Variants in PEA15 observed in about 807,000 individuals in gnomAD.
The protein encoded by PEA15 is proliferation and apoptosis adaptor protein 15, also known as astrocytic phosphoprotein PEA-15.
For synonymous variants in PEA15, 60 were observed against 61.8 expected (o/e 0.97, Z 0.13); for missense variants, 77 against 161.3 (o/e 0.48, Z 2.83).
Position 160,213,809 on chromosome 1 carries a change from C to G in PEA15, c.*323C>G. On this transcript the variant is annotated 3_prime_UTR_variant, in exon 4 of 4. Transcript: ENST00000360472. The surrounding 1 kb of genome is among the most constrained non-coding windows in gnomAD (Gnocchi z 5.3). ...CTCCTACTTCCCTTTCCTCCACTCCCCCCATATCTTTAAAGTGTGGAAGCA... is the reference window on the plus strand; with the variant it reads ...CTCCTACTTCCCTTTCCTCCACTCCGCCCATATCTTTAAAGTGTGGAAGCA... 3.1e-6 allele frequency: 1 copy of G among 322,980 alleles called. No individual in the cohort carries two copies. Among genetic ancestry groups the G allele is most frequent in the Non-Finnish European group, 5.9e-6 (1 of 169,732 alleles). The allele number at this position is 322,980 out of a possible 1,614,324, so 20.0% of individuals were successfully genotyped here. A position where few individuals can be genotyped will look rare whatever the true frequency, so the allele number is the denominator to read the frequency against.
rs980729160 is a variant in PEA15 at position 160,208,756 on chromosome 1, A to C, written c.-2-2787A>C. 3 of 1,156,280 alleles carry C rather than the reference A, an allele frequency of 2.6e-6. No individual in the cohort carries two copies. Among genetic ancestry groups the C allele is most frequent in the Non-Finnish European group, 3.8e-6 (3 of 792,466 alleles). 71.6% of individuals were successfully genotyped at this position (1,156,280 alleles called of 1,614,324 possible). On this transcript the variant is annotated intron_variant, in intron 1 of 3. Coordinates refer to ENST00000360472, the MANE Select transcript of PEA15 (RefSeq NM_003768.5). This position sits in a 1 kb window ranked among gnomAD's most constrained non-coding sequence, Gnocchi z 4.1. Reference sequence around the variant, plus strand: ...GCCATACTAAGGCCTAGGCAAATGGATCTCTCCAAGAAGGGAGGCAACTGG... The same window carrying C: ...GCCATACTAAGGCCTAGGCAAATGGCTCTCTCCAAGAAGGGAGGCAACTGG...
Position 160,213,036 on chromosome 1 carries a change from G to C in PEA15, c.173-74G>C, listed in dbSNP as rs1429174069. 3 of 1,515,812 alleles carry C rather than the reference G, an allele frequency of 2.0e-6. No individual in the cohort carries two copies. The highest frequency in any genetic ancestry group is 9.1e-7 in the Non-Finnish European group (1 of 1,094,706). The allele number at this position is 1,515,812 out of a possible 1,614,324, so 93.9% of individuals were successfully genotyped here. ...GTCAGCAACTCAGCTTTGGTTCCAGGTCACTAGTCTGGTGGAGTAGGGGAA... is the reference window on the plus strand; with the variant it reads ...GTCAGCAACTCAGCTTTGGTTCCAGCTCACTAGTCTGGTGGAGTAGGGGAA... On this transcript the variant is annotated intron_variant, in intron 2 of 3. Coordinates refer to ENST00000360472, the MANE Select transcript of PEA15 (RefSeq NM_003768.5). This position sits in a 1 kb window ranked among gnomAD's most constrained non-coding sequence, Gnocchi z 5.3.
intron 1 of PEA15, chr1:160,206,511 TGGCTAGTTTCTGGGTAA>T (rs1389214732): frequency 6.6e-6 from 1 of 151,900 alleles, no homozygotes; most frequent in East Asian, 1.9e-4. Flanking sequence ...GTGCTGGGAG[TGGCTAGTTTCTGGGTAA>T]GAGTGGCCAA....
At chr1:160,206,574 GA>G (rs1654602329) in intron 1 of PEA15, among the ~76,000 whole-genome samples, 1 of 152,078 alleles carries the variant, frequency 6.6e-6, no homozygotes, top group African/African-American at 2.4e-5. Context: ...AAACGGAGAG[GA>G]AAAAGAATGG....
At chr1:160,210,525 A>G (rs1381191134) in intron 1 of PEA15, among the ~76,000 whole-genome samples, 3 of 152,186 alleles carry the variant, frequency 2.0e-5, no homozygotes, top group Non-Finnish European at 4.4e-5. Flanking sequence ...AAGGCCTTGA[A>G]TGTTCTCTAC....
In PEA15 at chr1:160,213,511, G is replaced by C. The variant is rs1654963150; in HGVS notation, c.*25G>C. 1 of 1,608,834 alleles carries C rather than the reference G, an allele frequency of 6.2e-7. No homozygotes were observed. Among genetic ancestry groups the C allele is most frequent in the African/African-American group, 1.3e-5 (1 of 74,936 alleles). On this transcript the variant is annotated 3_prime_UTR_variant, in exon 4 of 4. Coordinates refer to ENST00000360472, the MANE Select transcript of PEA15 (RefSeq NM_003768.5). The surrounding 1 kb of genome is among the most constrained non-coding windows in gnomAD (Gnocchi z 5.3). Reference sequence around the variant, plus strand: ...AGCAAGGGGGAGGAAGAGGAGGAAGGTTGGACCTTCATCAGACCACTCCCT... The same window carrying C: ...AGCAAGGGGGAGGAAGAGGAGGAAGCTTGGACCTTCATCAGACCACTCCCT...
chr1:160,206,437 T>C (rs1334716878), intron 1 of PEA15: 1 of 152,352 alleles, frequency 6.6e-6, no homozygotes, highest in Non-Finnish European at 1.5e-5. Context: ...AGACAGGATT[T>C]TGCGGACTAA....
In PEA15 at chr1:160,211,589, C is replaced by T. The variant is rs1422674012; in HGVS notation, c.45C>T (p.Ile15=). ...GTLLQDLTNN[I]TLEDLEQLKS... is the part of the protein sequence containing the mutation. ...TCCTGCAAGACCTGACCAACAACAT[C>T]ACCCTTGAAGATCTAGAACAGCTCA... is the stretch of plus-strand genomic sequence containing the variant. The change falls in exon 2 of 4, where the codon ATC becomes ATT. Residue 15 remains isoleucine (I), a synonymous_variant. Coordinates refer to ENST00000360472, the MANE Select transcript of PEA15 (RefSeq NM_003768.5). 6.2e-7 allele frequency: 1 copy of T among 1,613,912 alleles called. No individual in the cohort carries two copies. The highest frequency in any genetic ancestry group is 1.1e-5 in the South Asian group (1 of 91,040).
rs1230350355 is a variant in PEA15, at chr1:160,213,177, T to A, written c.240T>A (p.Val80=). The part of the protein sequence containing the change: ...SRRPDLLTMV[V]DYRTRVLKIS... ...GTCCTGACCTACTCACTATGGTGGTTGACTACAGAACCCGTGTGCTGAAGA... is the reference window on the plus strand; with the variant it reads ...GTCCTGACCTACTCACTATGGTGGTAGACTACAGAACCCGTGTGCTGAAGA... Residue 80 remains valine (V), a synonymous_variant, in exon 3 of 4, where the codon GTT becomes GTA. Transcript: ENST00000360472. This position sits in a 1 kb window ranked among gnomAD's most constrained non-coding sequence, Gnocchi z 5.3. 3.7e-6 allele frequency: 6 copies of A among 1,614,168 alleles called. No homozygotes were observed. Among genetic ancestry groups the A allele is most frequent in the Middle Eastern group, 1.6e-4 (1 of 6,062 alleles).
intron 1 of PEA15, among the ~76,000 whole-genome samples, chr1:160,209,152 GATACTCACAGCCAGTGCACCCACAGCCAT>G (rs1446457423): frequency 6.6e-6 from 1 of 151,996 alleles, no homozygotes; most frequent in Non-Finnish European, 1.5e-5. Flanking sequence ...ACACATGACA[GATACTCACAGCCAGTGCACCCACAGCCAT>G]ATATCCAGTG....
At chr1:160,212,388 AG>A (rs1055175842) in intron 2 of PEA15, among the ~76,000 whole-genome samples, 37 of 152,234 alleles carry the variant, frequency 2.4e-4, no homozygotes, top group African/African-American at 8.2e-4. Flanking sequence ...ATGGCTGGGA[AG>A]GTAAGGTAAG....
chr1:160,209,752 C>T (rs1434571126), intron 1 of PEA15, among the ~76,000 whole-genome samples: 1 of 152,146 alleles, frequency 6.6e-6, no homozygotes, highest in Non-Finnish European at 1.5e-5. Flanking sequence ...TTCTTATCTC[C>T]ATCTCTAGTC....
chr1:160,213,013 C>T lies in PEA15; in HGVS notation c.173-97C>T. On this transcript the variant is annotated intron_variant, in intron 2 of 3. Transcript: ENST00000360472. This position sits in a 1 kb window ranked among gnomAD's most constrained non-coding sequence, Gnocchi z 5.3. ...TGTTGTACCCTCCCATAACCAATGT[C>T]AGCAACTCAGCTTTGGTTCCAGGTC... 2.4e-6 allele frequency: 3 copies of T among 1,243,884 alleles called. No homozygotes were observed. The highest frequency in any genetic ancestry group is 3.5e-6 in the Non-Finnish European group (3 of 854,104). 77.1% of individuals were successfully genotyped at this position (1,243,884 alleles called of 1,614,324 possible). A position where few individuals can be genotyped will look rare whatever the true frequency, so the allele number is the denominator to read the frequency against.
rs963440047 is a variant in PEA15, at chr1:160,211,199, G to A, written c.-2-344G>A. 1.8e-5 allele frequency: 12 copies of A among 685,136 alleles called. No individual in the cohort carries two copies. The South Asian group carries it at 2.0e-4, about 11-fold the overall frequency. The allele number at this position is 685,136 out of a possible 1,614,324, so 42.4% of individuals were successfully genotyped here. ...TTCTGAGGGGGGACTTGGAGAGAGC[G>A]GGTGAGAAAGTCGGGAGCAGGTTGC... On this transcript the variant is annotated intron_variant, in intron 1 of 3. Transcript: ENST00000360472.
Position 160,213,049 on chromosome 1 carries a change from T to TTCCA in PEA15, c.173-61_173-60insTCCA. The TTCCA allele has an allele frequency of 1.3e-6, 2 of 1,570,632 alleles. No homozygotes were observed. The highest frequency in any genetic ancestry group is 2.2e-5 in the South Asian group (2 of 89,334). On this transcript the variant is annotated intron_variant, in intron 2 of 3. Coordinates refer to ENST00000360472, the MANE Select transcript of PEA15 (RefSeq NM_003768.5). This position sits in a 1 kb window ranked among gnomAD's most constrained non-coding sequence, Gnocchi z 5.3. ...CTTTGGTTCCAGGTCACTAGTCTGG[T>TTCCA]GGAGTAGGGGAAGCTGACCTCTACA...
intron 1 of PEA15, among the ~76,000 whole-genome samples, chr1:160,209,921 G>A (rs531510787): frequency 5.9e-5 from 9 of 152,344 alleles, no homozygotes; most frequent in Non-Finnish European, 1.3e-4. Flanking sequence ...TTCCTGGCCC[G>A]GCCTGGCAGG....
rs1329677839 is a variant in PEA15, at chr1:160,213,152, G to A, written c.215G>A (p.Arg72His). ...YIEHIFEISR[R>H]PDLLTMVVDY... ...GAGCACATCTTTGAGATCTCCCGCC[G>A]TCCTGACCTACTCACTATGGTGGTT... The change falls in exon 3 of 4, where the codon CGT (arginine) becomes CAT (histidine). Residue 72 changes from arginine (R) to histidine (H), a missense_variant. Coordinates refer to ENST00000360472, the MANE Select transcript of PEA15 (RefSeq NM_003768.5). This position sits in a 1 kb window ranked among gnomAD's most constrained non-coding sequence, Gnocchi z 5.3. 2 of 1,614,058 alleles carry A rather than the reference G, an allele frequency of 1.2e-6. No individual in the cohort carries two copies. Among genetic ancestry groups the A allele is most frequent in the Non-Finnish European group, 1.7e-6 (2 of 1,179,996 alleles).
chr1:160,206,470 C>T (rs990488765), intron 1 of PEA15: 5 of 152,416 alleles, frequency 3.3e-5, no homozygotes, highest in Non-Finnish European at 7.3e-5. Flanking sequence ...CTTCTGGTGG[C>T]TTCTCTTCCT....
rs1323256315 is a variant in PEA15, at chr1:160,213,054, T to C, written c.173-56T>C. 8 of 1,583,906 alleles carry C rather than the reference T, an allele frequency of 5.1e-6. No individual in the cohort carries two copies. The highest frequency in any genetic ancestry group is 6.1e-6 in the Non-Finnish European group (7 of 1,154,432). ...GTTCCAGGTCACTAGTCTGGTGGAG[T>C]AGGGGAAGCTGACCTCTACAGCCTA... On this transcript the variant is annotated intron_variant, in intron 2 of 3. Coordinates refer to ENST00000360472, the MANE Select transcript of PEA15 (RefSeq NM_003768.5). This position sits in a 1 kb window ranked among gnomAD's most constrained non-coding sequence, Gnocchi z 5.3.
Sources: gnomAD v4.1 joint callset for allele counts (sites outside exome capture counted in the v4.1 genomes callset) on GRCh38, gnomAD v4.1.1 for gene constraint, Gnocchi (gnomAD v3.1) non-coding constraint, MANE v1.5 for transcripts, NCBI Gene and HGNC (gene_info 2026-07-23, HGNC 2026-07-21) for gene names.